GPHN: variants seen among roughly 807,000 people sequenced by gnomAD.
The protein encoded by GPHN is gephyrin.
In GPHN, 17 loss-of-function variants were observed where a neutral mutation model predicts 95.5. That is an observed-to-expected ratio of 0.18 (90% confidence interval 0.12 to 0.27). GPHN has a LOEUF of 0.27. Ranked by LOEUF, GPHN falls within the 10% of genes least tolerant of loss-of-function variation. The pLI, the probability that GPHN is intolerant of heterozygous loss-of-function variation, is 1.00. For missense variants in GPHN, 660 were observed against 978.1 expected (o/e 0.67, Z 4.34); for synonymous variants, 320 against 322.5 (o/e 0.99, Z 0.08).
At chr14:67,630,199 G>A in the GPHN span, among the ~76,000 whole-genome samples, 1 of 152,332 alleles carries the variant, frequency 6.6e-6, no homozygotes, top group African/African-American at 2.4e-5. Context: ...AGTAATTGCG[G>A]TTTTTGCTGT....
the GPHN span, among the ~76,000 whole-genome samples, chr14:67,720,286 GTC>G: frequency 6.7e-6 from 1 of 150,126 alleles, no homozygotes; most frequent in Non-Finnish European, 1.5e-5. Flanking sequence ...AAATCAATTA[GTC>G]TCTTGTCTTC....
At chr14:66,818,144 G>A (rs1271746953) in intron 3 of GPHN, among the ~76,000 whole-genome samples, 3 of 152,052 alleles carry the variant, frequency 2.0e-5, no homozygotes, top group Admixed American at 1.3e-4. Flanking sequence ...TGTGTAGAAT[G>A]TGTAGGTTTT....
chr14:66,552,620 T>C (rs903205024), intron 1 of GPHN, among the ~76,000 whole-genome samples: 1 of 152,210 alleles, frequency 6.6e-6, no homozygotes, highest in African/African-American at 2.4e-5. Context: ...CTGGCAAGCA[T>C]TCTCTCAGCT....
Position 66,806,115 on chromosome 14 carries a change from C to T in GPHN, c.202-18359C>T, listed in dbSNP as rs78189661. Among the ~76,000 whole-genome samples, 140 of 152,254 alleles carry T rather than the reference C, an allele frequency of 9.2e-4. 1 individual carries two copies. Among genetic ancestry groups the T allele is most frequent in the South Asian group, 3.9e-3 (19 of 4,818 alleles). On this transcript the variant is annotated intron_variant, in intron 3 of 22. Transcript: ENST00000478722. ...CCTCAATTCTTGATTTCTGTTCACT[C>T]GCAAGCTCAATACCACATGGAAGCT...
At position 67,074,151 on chromosome 14, in the gene GPHN, A is replaced by G. The variant is rs1039882348; in HGVS notation, c.1145-14832A>G. ...GAAACTTTCCTTATGAATGTTATAC[A>G]TGCATACCTCACTTTATTGACTTTG... On this transcript the variant is annotated intron_variant, in intron 11 of 22. Transcript: ENST00000478722. Among the ~76,000 whole-genome samples, 6 of 151,720 alleles carry G rather than the reference A, an allele frequency of 4.0e-5. No individual in the cohort carries two copies. The South Asian group carries it at 1.2e-3, about 32-fold the overall frequency.
At chr14:67,603,966 C>T in the GPHN span, among the ~76,000 whole-genome samples, 11 of 152,160 alleles carry the variant, frequency 7.2e-5, no homozygotes, top group African/African-American at 2.7e-4. Context: ...TAGGCGTGAG[C>T]CACCGCTCCC....
the GPHN span, among the ~76,000 whole-genome samples, chr14:67,397,096 G>A: frequency 2.8e-5 from 4 of 144,530 alleles, no homozygotes; most frequent in Non-Finnish European, 4.5e-5. Context: ...CTGCGACCAC[G>A]CTCAGCTAGT....
At chr14:66,917,524 A>G (rs1348358219) in intron 6 of GPHN, among the ~76,000 whole-genome samples, 1 of 151,916 alleles carries the variant, frequency 6.6e-6, no homozygotes, top group Non-Finnish European at 1.5e-5. Context: ...CCTTCTCTCT[A>G]TTTATACCCA....
At chr14:67,662,462 G>A in the GPHN span, 1 of 1,610,604 alleles carries the variant, frequency 6.2e-7, no homozygotes, top group Non-Finnish European at 8.5e-7. Flanking sequence ...AACAAAATTT[G>A]TTCCTTGTTC....
At chr14:67,242,145 G>T in the GPHN span, among the ~76,000 whole-genome samples, 1 of 152,212 alleles carries the variant, frequency 6.6e-6, no homozygotes, top group Non-Finnish European at 1.5e-5. Context: ...GTTTAATGAA[G>T]TTTGCTTTAA....
At chr14:67,508,107 C>A in the GPHN span, among the ~76,000 whole-genome samples, 2 of 144,898 alleles carry the variant, frequency 1.4e-5, no homozygotes, top group Non-Finnish European at 3.0e-5. Context: ...TGCACTCCAG[C>A]CTGGGCAGCA....
chr14:67,191,374 G>A, the GPHN span, among the ~76,000 whole-genome samples: 1 of 152,200 alleles, frequency 6.6e-6, no homozygotes, highest in African/African-American at 2.4e-5. Context: ...GGAGGGAAAA[G>A]ACCACATGGT....
chr14:66,888,961 A>G (rs2064335028), intron 5 of GPHN, among the ~76,000 whole-genome samples: 1 of 152,194 alleles, frequency 6.6e-6, no homozygotes, highest in African/African-American at 2.4e-5. Context: ...TTTTAAATCA[A>G]AAATGTTTAA....
intron 5 of GPHN, among the ~76,000 whole-genome samples, chr14:66,911,332 T>C (rs1401642613): frequency 1.3e-5 from 2 of 151,948 alleles, no homozygotes; most frequent in East Asian, 3.9e-4. Flanking sequence ...GAAAATGTTC[T>C]AAAATGGATT....
chr14:67,657,454 TC>T, the GPHN span, among the ~76,000 whole-genome samples: 1 of 151,952 alleles, frequency 6.6e-6, no homozygotes, highest in Non-Finnish European at 1.5e-5. Context: ...ATTTTCTAAA[TC>T]CCCACCGAAG....
intron 3 of GPHN, among the ~76,000 whole-genome samples, chr14:66,803,457 G>T (rs1042601053): frequency 6.6e-6 from 1 of 152,162 alleles, no homozygotes; most frequent in South Asian, 2.1e-4. Context: ...TGGTGTACTT[G>T]CAGGGGGTGG....
At chr14:67,671,667 T>C in the GPHN span, among the ~76,000 whole-genome samples, 18,910 of 152,258 alleles carry the variant, frequency 0.12, 1,210 homozygotes, top group Admixed American at 0.14. Context: ...ACAGAATAGC[T>C]GAGTCTGGGT....
chr14:66,945,242 C>T (rs1053440623), intron 8 of GPHN, among the ~76,000 whole-genome samples: 8 of 152,152 alleles, frequency 5.3e-5, no homozygotes, highest in Non-Finnish European at 1.0e-4. Flanking sequence ...GCAGGTTTCC[C>T]GCCTCACAGA....
At chr14:67,330,481 G>A in the GPHN span, among the ~76,000 whole-genome samples, 1 of 129,212 alleles carries the variant, frequency 7.7e-6, no homozygotes, top group African/African-American at 2.7e-5. Flanking sequence ...TTTTTGAGAT[G>A]GGGTTTCGCT....
Sources: gnomAD v4.1 joint callset for allele counts (sites outside exome capture counted in the v4.1 genomes callset) on GRCh38, gnomAD v4.1.1 for gene constraint, MANE v1.5 for transcripts, NCBI Gene and HGNC (gene_info 2026-07-23, HGNC 2026-07-21) for gene names.